The following PDE4D variants were observed in gnomAD, a reference collection of about 807,000 sequenced individuals.
The protein encoded by PDE4D is phosphodiesterase 4D.
Under a neutral mutation model 87.4 loss-of-function variants are expected in PDE4D, and 24 were observed. That is an observed-to-expected ratio of 0.27 (90% confidence interval 0.20 to 0.39). The LOEUF is 0.39. Among genes scored for constraint, PDE4D ranks in the 10% least tolerant of loss-of-function variants. The pLI is 1.00. For missense variants in PDE4D, 714 were observed against 1,041.0 expected (o/e 0.69, Z 4.32); for synonymous variants, 384 against 383.2 (o/e 1.00, Z -0.02).
At chr5:60,456,886 ACT>A (rs1746508491) in intron 1 of PDE4D, among the ~76,000 whole-genome samples, 1 of 151,788 alleles carries the variant, frequency 6.6e-6, no homozygotes, top group Non-Finnish European at 1.5e-5. Context: ...TCTGTTCCCC[ACT>A]CTCTACCACC....
intron 5 of PDE4D, among the ~76,000 whole-genome samples, chr5:59,109,099 T>G (rs1772167175): frequency 6.6e-6 from 1 of 151,900 alleles, no homozygotes; most frequent in Admixed American, 6.6e-5. Context: ...CCAGTTCTTT[T>G]TTTCTTACTG....
At chr5:60,417,663 T>C (rs1742724864) in intron 1 of PDE4D, among the ~76,000 whole-genome samples, 1 of 152,140 alleles carries the variant, frequency 6.6e-6, no homozygotes, top group South Asian at 2.1e-4. Context: ...GCTTGGGGGC[T>C]TAGAGCTTTA....
At chr5:59,059,450 G>C (rs10043357) in intron 5 of PDE4D, among the ~76,000 whole-genome samples, 166 of 152,040 alleles carry the variant, frequency 1.1e-3, no homozygotes, top group Non-Finnish European at 2.0e-3. Context: ...TAATTCTCTC[G>C]TGAGACTTTA....
intron 1 of PDE4D, among the ~76,000 whole-genome samples, chr5:60,499,510 C>T (rs1749968512): frequency 6.6e-6 from 1 of 152,116 alleles, no homozygotes. Context: ...CCTCAGCTTT[C>T]TCCTTGGGTT....
At chr5:59,228,504 T>A (rs1362718796) in intron 1 of PDE4D, among the ~76,000 whole-genome samples, 5 of 152,000 alleles carry the variant, frequency 3.3e-5, no homozygotes, top group African/African-American at 9.7e-5. Flanking sequence ...TTTCTGTCTT[T>A]ATTTATTGTT....
intron 3 of PDE4D, among the ~76,000 whole-genome samples, chr5:59,934,338 T>A (rs1273758062): frequency 6.6e-6 from 1 of 152,200 alleles, no homozygotes; most frequent in Non-Finnish European, 1.5e-5. Flanking sequence ...GTAGAAGAGA[T>A]GCAAGAGGAA....
chr5:60,405,730 G>C (rs1393265372), intron 1 of PDE4D, among the ~76,000 whole-genome samples: 2 of 152,198 alleles, frequency 1.3e-5, no homozygotes, highest in African/African-American at 4.8e-5. Flanking sequence ...GTATAAGCCA[G>C]ATACTTTACC....
chr5:59,758,760 T>C (rs1447466556), intron 1 of PDE4D, among the ~76,000 whole-genome samples: 4 of 152,170 alleles, frequency 2.6e-5, no homozygotes, highest in Non-Finnish European at 5.9e-5. Context: ...TGTTTCCTGT[T>C]TTTACCCATG....
At chr5:59,698,977 C>T (rs1221578999) in intron 1 of PDE4D, among the ~76,000 whole-genome samples, 1 of 152,192 alleles carries the variant, frequency 6.6e-6, no homozygotes, top group Non-Finnish European at 1.5e-5. Context: ...GGGCAATTAG[C>T]TTGCTGGATT....
chr5:59,201,055 G>A (rs1288462803), intron 2 of PDE4D, among the ~76,000 whole-genome samples: 1 of 151,920 alleles, frequency 6.6e-6, no homozygotes, highest in African/African-American at 2.4e-5. Context: ...AATTTTTCAA[G>A]TTATGTGAAT....
intron 1 of PDE4D, among the ~76,000 whole-genome samples, chr5:59,668,804 AAAG>A (rs569736039): frequency 0.047 from 5,023 of 107,322 alleles, 288 homozygotes; most frequent in South Asian, 0.076. Flanking sequence ...GAAGAAGAAG[AAAG>A]AAGAAGAAGA....
chr5:59,177,490 C>A (rs1280377952), intron 5 of PDE4D, among the ~76,000 whole-genome samples: 1 of 152,132 alleles, frequency 6.6e-6, no homozygotes, highest in Non-Finnish European at 1.5e-5. Context: ...GGGCATCATG[C>A]GTGTTCACTC....
Position 59,628,441 on chromosome 5 carries a change from T to C in PDE4D, c.455+264727A>G, listed in dbSNP as rs77708378. 2.7e-3 allele frequency among the ~76,000 whole-genome samples: 416 copies of C among 152,372 alleles called. 13 individuals are homozygous for C. The East Asian group carries it at 0.07, about 26-fold the overall frequency. On this transcript the variant is annotated intron_variant, in intron 1 of 14. Transcript: ENST00000340635. ...AATATAATAGCCACTAATGGATATT[T>C]AAATTTAGATTTATTAAAATAAAAT...
chr5:59,402,139 A>G (rs865887456), intron 1 of PDE4D, among the ~76,000 whole-genome samples: 1 of 152,238 alleles, frequency 6.6e-6, no homozygotes, highest in Admixed American at 6.5e-5. Context: ...AGTAGAATCA[A>G]CAATGGCATG....
intron 3 of PDE4D, among the ~76,000 whole-genome samples, chr5:59,970,327 C>T (rs1008294331): frequency 6.6e-6 from 1 of 152,098 alleles, no homozygotes; most frequent in Non-Finnish European, 1.5e-5. Context: ...ACACCAAAAG[C>T]AATGGCAACA....
At chr5:60,081,123 C>T (rs1257200033) in intron 2 of PDE4D, among the ~76,000 whole-genome samples, 2 of 152,012 alleles carry the variant, frequency 1.3e-5, no homozygotes, top group South Asian at 2.1e-4. Flanking sequence ...TGTATGTGTT[C>T]AGGAGTTTAT....
intron 2 of PDE4D, among the ~76,000 whole-genome samples, chr5:59,210,230 C>T (rs763901958): frequency 3.7e-4 from 56 of 152,300 alleles, no homozygotes; most frequent in Non-Finnish European, 6.9e-4. Flanking sequence ...AGAATTAGAA[C>T]CTTTGTAATG....
chr5:59,575,153 AG>A (rs371950959), intron 1 of PDE4D, among the ~76,000 whole-genome samples: 8 of 152,288 alleles, frequency 5.3e-5, no homozygotes, highest in African/African-American at 1.4e-4. Flanking sequence ...TTTCTTGGCA[AG>A]TGAAGAGATA....
chr5:59,451,992 A>T (rs985541399), intron 1 of PDE4D, among the ~76,000 whole-genome samples: 1 of 152,224 alleles, frequency 6.6e-6, no homozygotes, highest in Non-Finnish European at 1.5e-5. Context: ...CCAATCCATG[A>T]GGCCCAGGAC....
Sources: allele counts gnomAD v4.1 joint callset (sites outside exome capture counted in the v4.1 genomes callset), GRCh38; gene constraint gnomAD v4.1.1; transcripts MANE v1.5; gene names NCBI Gene and HGNC (gene_info 2026-07-23, HGNC 2026-07-21).